Variants in WRNIP1 observed in about 807,000 individuals in gnomAD.
WRNIP1 encodes the protein WRN helicase interacting protein 1.
A neutral mutation model predicts 56.1 loss-of-function variants in WRNIP1; 41 were observed. The observed-to-expected ratio is 0.73, with a 90% confidence interval of 0.57 to 0.95. The LOEUF (loss-of-function observed/expected upper bound fraction) is 0.95, where lower values mean the gene tolerates loss of function less well. Among genes scored for constraint, WRNIP1 ranks in the 40% least tolerant of loss-of-function variants. The pLI, the probability that WRNIP1 is intolerant of heterozygous loss-of-function variation, is 0.00. For synonymous variants in WRNIP1, 547 were observed against 398.1 expected, an observed-to-expected ratio of 1.37 and a Z score of -4.45; for missense variants, 1,170 against 939.4, an observed-to-expected ratio of 1.25 and a Z score of -3.21.
In WRNIP1 at chr6:2,784,419, C is replaced by A; in HGVS notation, c.1722+16C>A. On this transcript the variant is annotated intron_variant, in intron 6 of 6. Coordinates refer to ENST00000380773, the MANE Select transcript of WRNIP1 (RefSeq NM_020135.3). Reference sequence around the variant, plus strand: ...TGAATGTGAGGTAAAGTAATCAGCTCATTTCTTGCAAATCACTTCTTTTCT... The same window carrying A: ...TGAATGTGAGGTAAAGTAATCAGCTAATTTCTTGCAAATCACTTCTTTTCT... The A allele has an allele frequency of 6.2e-7, 1 of 1,612,704 alleles. No homozygotes were observed. Among genetic ancestry groups the A allele is most frequent in the Non-Finnish European group, 8.5e-7 (1 of 1,178,858 alleles).
chr6:2,773,559 A>G, intron 3 of WRNIP1: 1 of 985,432 alleles, frequency 1.0e-6, no homozygotes, highest in Non-Finnish European at 1.2e-6. Flanking sequence ...AAATATTTGG[A>G]TCACATGATA....
In WRNIP1 at chr6:2,770,123, A is replaced by T; in HGVS notation, c.1018A>T (p.Thr340Ser). 6.2e-7 allele frequency: 1 copy of T among 1,614,174 alleles called. No individual in the cohort carries two copies. Among genetic ancestry groups the T allele is most frequent in the Non-Finnish European group, 8.5e-7 (1 of 1,180,030 alleles). ...TCTGTTTTCCTCCCATGATTAGGAC[A>T]CTTTCCTTCCTCACGTGGAATGTGG... ...IHRFNKSQQDTFLPHVECGTI... is the reference protein window; with the variant it reads ...IHRFNKSQQDSFLPHVECGTI... Residue 340 changes from threonine to serine, a missense_variant, in exon 3 of 7, where the codon ACT becomes TCT. By Grantham distance (58) the Thr-to-Ser change is moderately conservative. Coordinates refer to ENST00000380773, the MANE Select transcript of WRNIP1 (RefSeq NM_020135.3).
At chr6:2,778,815 A>T (rs1765490375) in intron 3 of WRNIP1, among the ~76,000 whole-genome samples, 1 of 151,614 alleles carries the variant, frequency 6.6e-6, no homozygotes, top group African/African-American at 2.4e-5. Context: ...TATAATGCTG[A>T]CTCTCCCCTG....
intron 2 of WRNIP1, among the ~76,000 whole-genome samples, chr6:2,769,112 A>G (rs1334563742): frequency 6.6e-6 from 1 of 152,226 alleles, no homozygotes; most frequent in Non-Finnish European, 1.5e-5. Context: ...TCCCTGAGCT[A>G]TACGTATCAG....
In WRNIP1 at chr6:2,765,748, C is replaced by G. The variant is rs755353163; in HGVS notation, c.126C>G (p.Leu42=). Residue 42 remains leucine (L), a synonymous_variant, in exon 1 of 7, where the codon CTC becomes CTG. Transcript: ENST00000380773. ...INSHLDRCLL[L]HPAGHAEPAA... ...CGCACCTGGACCGCTGTCTGCTGCT[C>G]CACCCGGCGGGGCACGCGGAGCCCG... 9 of 1,505,838 alleles carry G rather than the reference C, an allele frequency of 6.0e-6. No homozygotes were observed. Among genetic ancestry groups the G allele is most frequent in the Non-Finnish European group, 7.9e-6 (9 of 1,134,026 alleles). 93.3% of individuals were successfully genotyped at this position (1,505,838 alleles called of 1,614,324 possible). A position where few individuals can be genotyped will look rare whatever the true frequency, so the allele number is the denominator to read the frequency against.
rs781572782 is a variant in WRNIP1 at position 2,765,699 on chromosome 6, T to G, written c.77T>G (p.Met26Arg). 2.1e-5 allele frequency: 32 copies of G among 1,548,632 alleles called. 1 individual carries two copies. In the South Asian group the frequency reaches 3.0e-4, roughly 14 times the overall value. Residue 26 changes from methionine to arginine, a missense_variant, in exon 1 of 7, where the codon ATG becomes AGG. Coordinates refer to ENST00000380773, the MANE Select transcript of WRNIP1 (RefSeq NM_020135.3). ...HQVQCPVCQQ[M>R]MPAAHINSHL... ...GTGCAGTGCCCCGTGTGCCAGCAGATGATGCCCGCCGCGCACATCAACTCG... is the reference window on the plus strand; with the variant it reads ...GTGCAGTGCCCCGTGTGCCAGCAGAGGATGCCCGCCGCGCACATCAACTCG...
At chr6:2,770,391 GCA>G (rs1561910307) in intron 3 of WRNIP1, 30 bp downstream of exon 3, 1 of 1,612,290 alleles carries the variant, frequency 6.2e-7, no homozygotes, top group East Asian at 2.2e-5. Flanking sequence ...CGTCCTGGGG[GCA>G]CACACCTCCC....
chr6:2,778,614 C>T (rs746307813), intron 3 of WRNIP1, among the ~76,000 whole-genome samples: 27 of 152,174 alleles, frequency 1.8e-4, no homozygotes, highest in Non-Finnish European at 3.4e-4. Context: ...CTACCCTGTG[C>T]GGATTTTGCA....
Position 2,783,451 on chromosome 6 carries a change from G to A in WRNIP1, c.1532G>A (p.Arg511Gln), listed in dbSNP as rs774847287. 1.9e-5 allele frequency: 30 copies of A among 1,613,222 alleles called. No individual in the cohort carries two copies. The highest frequency in any genetic ancestry group is 4.5e-5 in the East Asian group (2 of 44,828). The stretch of plus-strand genomic sequence containing the variant: ...ATCTCCGCCCTGCACAAGTCCATGC[G>A]GGGCTCAGACCAGAACGCCTCCCTC... ...NCISALHKSM[R>Q]GSDQNASLYW... The change falls in exon 5 of 7, where the codon CGG becomes CAG. Residue 511 changes from arginine to glutamine, a missense_variant. Coordinates refer to ENST00000380773, the MANE Select transcript of WRNIP1 (RefSeq NM_020135.3).
intron 3 of WRNIP1, among the ~76,000 whole-genome samples, chr6:2,771,397 C>A (rs954644705): frequency 2.0e-5 from 3 of 152,154 alleles, no homozygotes; most frequent in Admixed American, 6.5e-5. Context: ...TTTTGGAATA[C>A]CGTTGTGATG....
chr6:2,767,274 C>G (rs1765058720), intron 1 of WRNIP1, among the ~76,000 whole-genome samples: 1 of 152,150 alleles, frequency 6.6e-6, no homozygotes. Flanking sequence ...CTAAGAAGTG[C>G]TTAAATACAG....
chr6:2,783,809 C>T (rs1234519058), intron 5 of WRNIP1, among the ~76,000 whole-genome samples: 3 of 151,954 alleles, frequency 2.0e-5, no homozygotes, highest in Admixed American at 1.3e-4. Context: ...TTTCTGTTTC[C>T]TCTTCGGGAA....
chr6:2,783,653 T>TTTTTGTTGGGG, intron 5 of WRNIP1, 92 bp downstream of exon 5: 1 of 119,840 alleles, frequency 8.3e-6, no homozygotes. Context: ...TTTTTTTTTT[T>TTTTTGTTGGGG]GCAGGGCGGG....
chr6:2,765,407 G>T lies in WRNIP1; in HGVS notation c.-216G>T, dbSNP rs1371833845. The T allele has an allele frequency of 7.4e-5, 32 of 434,518 alleles. No homozygotes were observed. The highest frequency in any genetic ancestry group is 1.0e-4 in the Non-Finnish European group (29 of 278,904). 26.9% of individuals were successfully genotyped at this position (434,518 alleles called of 1,614,324 possible). ...GGCCACGAACTACACTTCCCGACACGCCGCGTGAGGCGCTGCCAGCGGCCG... is the reference window on the plus strand; with the variant it reads ...GGCCACGAACTACACTTCCCGACACTCCGCGTGAGGCGCTGCCAGCGGCCG... On this transcript the variant is annotated 5_prime_UTR_variant, in exon 1 of 7. Coordinates refer to ENST00000380773, the MANE Select transcript of WRNIP1 (RefSeq NM_020135.3).
At position 2,779,458 on chromosome 6, in the gene WRNIP1, C is replaced by T; in HGVS notation, c.1452C>T (p.Gly484=). Residue 484 remains glycine, a synonymous_variant, in exon 4 of 7, where the codon GGC becomes GGT. Coordinates refer to ENST00000380773, the MANE Select transcript of WRNIP1 (RefSeq NM_020135.3). ...TCACAGAGAATGACGTGAAGGAGGGCCTACAGCGATCCCACATTTTATATG... is the reference window on the plus strand; with the variant it reads ...TCACAGAGAATGACGTGAAGGAGGGTCTACAGCGATCCCACATTTTATATG... The part of the protein sequence containing the change: ...VLITENDVKE[G]LQRSHILYDR... 3 of 1,614,160 alleles carry T rather than the reference C, an allele frequency of 1.9e-6. No homozygotes were observed. Among genetic ancestry groups the T allele is most frequent in the Non-Finnish European group, 2.5e-6 (3 of 1,180,026 alleles).
rs1473201104 is a variant in WRNIP1 at position 2,765,425 on chromosome 6, AGCGGCCGGCCGAGG to A, written c.-193_-180del. On this transcript the variant is annotated 5_prime_UTR_variant, in exon 1 of 7. Transcript: ENST00000380773. ...CCGACACGCCGCGTGAGGCGCTGCC[AGCGGCCGGCCGAGG>A]GCGGGCGGACGCGGGAGCTGCGGAC... 8 of 531,540 alleles carry A rather than the reference AGCGGCCGGCCGAGG, an allele frequency of 1.5e-5. No homozygotes were observed. Among genetic ancestry groups the A allele is most frequent in the East Asian group, 1.4e-4 (3 of 22,120 alleles). 32.9% of individuals were successfully genotyped at this position (531,540 alleles called of 1,614,324 possible). A position where few individuals can be genotyped will look rare whatever the true frequency, so the allele number is the denominator to read the frequency against.
At chr6:2,772,005 T>G (rs575322479) in intron 3 of WRNIP1, among the ~76,000 whole-genome samples, 9 of 152,356 alleles carry the variant, frequency 5.9e-5, no homozygotes, top group African/African-American at 2.2e-4. Flanking sequence ...CAATAATTAA[T>G]ATTGATGACA....
At position 2,765,410 on chromosome 6, in the gene WRNIP1, G is replaced by C; in HGVS notation, c.-213G>C. 1 of 445,200 alleles carries C rather than the reference G, an allele frequency of 2.2e-6. No homozygotes were observed. Among genetic ancestry groups the C allele is most frequent in the East Asian group, 4.8e-5 (1 of 20,954 alleles). 27.6% of individuals were successfully genotyped at this position (445,200 alleles called of 1,614,324 possible). ...CACGAACTACACTTCCCGACACGCC[G>C]CGTGAGGCGCTGCCAGCGGCCGGCC... is the stretch of plus-strand genomic sequence containing the variant. On this transcript the variant is annotated 5_prime_UTR_variant, in exon 1 of 7. Coordinates refer to ENST00000380773, the MANE Select transcript of WRNIP1 (RefSeq NM_020135.3).
In WRNIP1 at chr6:2,768,836, C is replaced by G; in HGVS notation, c.968C>G (p.Thr323Ser). 1 of 1,613,306 alleles carries G rather than the reference C, an allele frequency of 6.2e-7. No homozygotes were observed. Among genetic ancestry groups the G allele is most frequent in the Non-Finnish European group, 8.5e-7 (1 of 1,179,680 alleles). Reference sequence around the variant, plus strand: ...GAAAAGAGCTTTTTCAAAAGGAAAACCATCCTTTTTATTGATGAGATTCAT... The same window carrying G: ...GAAAAGAGCTTTTTCAAAAGGAAAAGCATCCTTTTTATTGATGAGATTCAT... ...QNEKSFFKRKTILFIDEIHRF... is the reference protein window; with the variant it reads ...QNEKSFFKRKSILFIDEIHRF... Residue 323 changes from threonine (T) to serine (S), a missense_variant, in exon 2 of 7, where the codon ACC (threonine) becomes AGC (serine). Thr to Ser is a moderately conservative substitution (Grantham distance 58). Transcript: ENST00000380773.
Sources: gnomAD v4.1 joint callset for allele counts (sites outside exome capture counted in the v4.1 genomes callset) on GRCh38, gnomAD v4.1.1 for gene constraint, MANE v1.5 for transcripts, NCBI Gene and HGNC (gene_info 2026-07-23, HGNC 2026-07-21) for gene names.